The following CCBE1 variants were observed in gnomAD, a reference collection of about 807,000 sequenced individuals.
CCBE1 encodes the protein collagen and calcium binding EGF domains 1, also known as collagen and calcium-binding EGF domain-containing protein 1.
Under a neutral mutation model 50.0 loss-of-function variants are expected in CCBE1, and 37 were observed. That is an observed-to-expected ratio of 0.74 (90% CI 0.57 to 0.97). The LOEUF is 0.97. CCBE1 is among the 50% of genes least tolerant of loss of function. The pLI is 0.00. For missense variants in CCBE1, 538 were observed against 523.8 expected, an observed-to-expected ratio of 1.03 and a Z score of -0.26; for synonymous variants, 234 against 203.7, an observed-to-expected ratio of 1.15 and a Z score of -1.27.
intron 2 of CCBE1, among the ~76,000 whole-genome samples, chr18:59,695,346 C>T (rs1378454695): frequency 6.6e-6 from 1 of 152,198 alleles, no homozygotes; most frequent in African/African-American, 2.4e-5. Context: ...CCTTGCTCAC[C>T]CAGTTAGCCT....
chr18:59,564,685 C>T (rs180747407), intron 2 of CCBE1, among the ~76,000 whole-genome samples: 27 of 152,266 alleles, frequency 1.8e-4, no homozygotes, highest in Admixed American at 1.4e-3. Flanking sequence ...CACAGTCTTC[C>T]GGACAGAGGG....
chr18:59,469,083 C>T (rs71357638), intron 4 of CCBE1, among the ~76,000 whole-genome samples: 6,380 of 152,316 alleles, frequency 0.042, 180 homozygotes, highest in Middle Eastern at 0.078. Context: ...GACTTCCTCC[C>T]AACCTGTCTG....
intron 2 of CCBE1, among the ~76,000 whole-genome samples, chr18:59,491,625 G>A (rs1053066558): frequency 6.6e-6 from 1 of 152,118 alleles, no homozygotes; most frequent in African/African-American, 2.4e-5. Flanking sequence ...ACCTGCCTGG[G>A]CAACATGGCA....
Position 59,478,336 on chromosome 18 carries a change from A to C in CCBE1, c.265+1850T>G, listed in dbSNP as rs375086793. Among the ~76,000 whole-genome samples, 15 of 152,296 alleles carry C rather than the reference A, an allele frequency of 9.8e-5. No homozygotes were observed. The East Asian group carries it at 1.7e-3, about 18-fold the overall frequency. On this transcript the variant is annotated intron_variant, in intron 3 of 10. Transcript: ENST00000439986. ...TTTCTCTGGAGAACCCTAATATACA[A>C]TATTTTCTGAAATACTGCATTTGTA...
At chr18:59,516,045 G>A (rs1261958750) in intron 2 of CCBE1, among the ~76,000 whole-genome samples, 1 of 152,064 alleles carries the variant, frequency 6.6e-6, no homozygotes, top group Non-Finnish European at 1.5e-5. Flanking sequence ...TGAAACCTCC[G>A]CCTCCTGGGT....
intron 2 of CCBE1, among the ~76,000 whole-genome samples, chr18:59,552,142 C>G (rs1915951492): frequency 6.6e-6 from 1 of 152,210 alleles, no homozygotes; most frequent in South Asian, 2.1e-4. Flanking sequence ...CTGGCCTGGA[C>G]TTCCTCAAAT....
intron 2 of CCBE1, among the ~76,000 whole-genome samples, chr18:59,504,676 G>A (rs1354381137): frequency 6.6e-6 from 1 of 152,190 alleles, no homozygotes; most frequent in Non-Finnish European, 1.5e-5. Flanking sequence ...AGTACATTTT[G>A]CATGGCAAAT....
At chr18:59,582,080 C>A (rs1476251500) in intron 2 of CCBE1, among the ~76,000 whole-genome samples, 1 of 152,060 alleles carries the variant, frequency 6.6e-6, no homozygotes, top group East Asian at 1.9e-4. Flanking sequence ...ACCTGTGGAC[C>A]CACTTGACTG....
intron 2 of CCBE1, among the ~76,000 whole-genome samples, chr18:59,597,417 A>G (rs1174962492): frequency 6.6e-6 from 1 of 152,186 alleles, no homozygotes; most frequent in African/African-American, 2.4e-5. Flanking sequence ...ACTGAGTGAA[A>G]CACATACCTA....
chr18:59,485,600 T>TTATG (rs1245239540), intron 2 of CCBE1, among the ~76,000 whole-genome samples: 8 of 149,842 alleles, frequency 5.3e-5, no homozygotes, highest in Non-Finnish European at 1.2e-4. Flanking sequence ...ATTTATTTAT[T>TTATG]TATTTATTTA....
intron 7 of CCBE1, among the ~76,000 whole-genome samples, 168 bp downstream of exon 7, chr18:59,447,815 C>T (rs1910747791): frequency 6.6e-6 from 1 of 152,210 alleles, no homozygotes. Flanking sequence ...GCTTGAGGGC[C>T]TATTTCCCAG....
At chr18:59,559,192 G>A (rs553103511) in intron 2 of CCBE1, among the ~76,000 whole-genome samples, 1 of 152,208 alleles carries the variant, frequency 6.6e-6, no homozygotes, top group Non-Finnish European at 1.5e-5. Context: ...TGTGGAGATG[G>A]CGCTGAAGCA....
chr18:59,612,327 AAAG>A (rs1162330767), intron 2 of CCBE1, among the ~76,000 whole-genome samples: 10 of 124,284 alleles, frequency 8.0e-5, no homozygotes, highest in African/African-American at 3.0e-4. Context: ...GGAAGAAAAA[AAAG>A]AAAAAAAAAA....
intron 2 of CCBE1, among the ~76,000 whole-genome samples, chr18:59,633,727 G>GTTTT (rs1046606299): frequency 6.7e-6 from 1 of 148,762 alleles, no homozygotes; most frequent in African/African-American, 2.6e-5. Context: ...TAAATTTAGG[G>GTTTT]TTTGTTTTTT....
chr18:59,621,058 T>C (rs1436109849), intron 2 of CCBE1, among the ~76,000 whole-genome samples: 1 of 152,060 alleles, frequency 6.6e-6, no homozygotes, highest in Non-Finnish European at 1.5e-5. Flanking sequence ...GTGGCAAAAA[T>C]GTAACCTGTC....
intron 2 of CCBE1, among the ~76,000 whole-genome samples, chr18:59,666,924 C>G (rs2054366244): frequency 6.6e-6 from 1 of 152,174 alleles, no homozygotes; most frequent in South Asian, 2.1e-4. Context: ...AAGATCGTGC[C>G]ACTGCACTCC....
intron 2 of CCBE1, among the ~76,000 whole-genome samples, chr18:59,587,993 A>G (rs2053202343): frequency 6.6e-6 from 1 of 152,248 alleles, no homozygotes; most frequent in African/African-American, 2.4e-5. Context: ...AAGGCTAAGA[A>G]GAAATCGGAT....
chr18:59,625,123 C>T (rs2008900), intron 2 of CCBE1, among the ~76,000 whole-genome samples: 1 of 152,172 alleles, frequency 6.6e-6, no homozygotes, highest in African/African-American at 2.4e-5. Flanking sequence ...GTAAGGTCAA[C>T]ACAGTGGTAT....
intron 6 of CCBE1, among the ~76,000 whole-genome samples, chr18:59,453,981 G>A (rs1037216338): frequency 1.3e-5 from 2 of 152,094 alleles, no homozygotes; most frequent in Non-Finnish European, 2.9e-5. Context: ...TTTATAAAGT[G>A]CATTAGTCCT....
Sources: gnomAD v4.1 joint callset for allele counts (sites outside exome capture counted in the v4.1 genomes callset) on GRCh38, gnomAD v4.1.1 for gene constraint, MANE v1.5 for transcripts, NCBI Gene and HGNC (gene_info 2026-07-23, HGNC 2026-07-21) for gene names.